The following IPO11 variants were observed in gnomAD, a reference collection of about 807,000 sequenced individuals.
IPO11 encodes importin 11, also known as importin-11.
A neutral mutation model predicts 143.2 loss-of-function variants in IPO11; 66 were observed. The ratio of observed to expected loss-of-function variants is 0.46; its 90% CI spans 0.38 to 0.57. IPO11 has a LOEUF of 0.57. IPO11 is among the 20% of genes least tolerant of loss of function. The probability of loss-of-function intolerance (pLI) is 0.00; values close to 1 mark genes in which losing one functional copy is unlikely to be tolerated. For missense variants in IPO11, 1,026 were observed against 1,141.0 expected, an observed-to-expected ratio of 0.90 and a Z score of 1.45; for synonymous variants, 385 against 377.8, an observed-to-expected ratio of 1.02 and a Z score of -0.22.
rs149042617 is a variant in IPO11 at position 62,519,538 on chromosome 5, A to G, written c.1896+4037A>G. 2.1e-4 allele frequency among the ~76,000 whole-genome samples: 32 copies of G among 152,278 alleles called. No homozygotes were observed. The East Asian group carries it at 5.8e-3, about 28-fold the overall frequency. On this transcript the variant is annotated intron_variant, in intron 20 of 29. Transcript: ENST00000325324. ...GTCCTTCCTATTCCACTATCCTCCC[A>G]GTATACTTGATTGTATAAAGACGGT...
intron 27 of IPO11, chr5:62,580,926 GGAAAAAAACAGTGCTCTACCGAAT>G: frequency 6.4e-7 from 1 of 1,550,584 alleles, no homozygotes. Flanking sequence ...CCTTGAACTT[GGAAAAAAACAGTGCTCTACCGAAT>G]GATGCTGCTT....
intron 8 of IPO11, among the ~76,000 whole-genome samples, chr5:62,475,535 T>C (rs1016458813): frequency 1.6e-4 from 24 of 152,136 alleles, no homozygotes; most frequent in Non-Finnish European, 3.1e-4. Flanking sequence ...TATTTTGTGT[T>C]CATTCCTCTT....
intron 24 of IPO11, among the ~76,000 whole-genome samples, chr5:62,546,842 C>G (rs559441705): frequency 1.1e-4 from 16 of 152,184 alleles, no homozygotes; most frequent in African/African-American, 1.9e-4. Flanking sequence ...AGCATTGTCT[C>G]TAGTTTTCTT....
At chr5:62,607,884 T>C (rs1487592465) in intron 29 of IPO11, among the ~76,000 whole-genome samples, 1 of 151,642 alleles carries the variant, frequency 6.6e-6, no homozygotes, top group East Asian at 1.9e-4. Context: ...ACCTGCTATC[T>C]CAGCTCACTG....
chr5:62,432,763 GC>G (rs1343767159), intron 1 of IPO11, among the ~76,000 whole-genome samples: 2 of 152,104 alleles, frequency 1.3e-5, no homozygotes, highest in Non-Finnish European at 2.9e-5. Flanking sequence ...TGGAAGTTAG[GC>G]CCAGTCTTGA....
rs962821070 is a variant in IPO11, at chr5:62,532,328, GT to G, written c.2089+1551del. On this transcript the variant is annotated intron_variant, in intron 22 of 29. Coordinates refer to ENST00000325324, the MANE Select transcript of IPO11 (RefSeq NM_016338.5). ...TTTAGGTAAGTGCTCTAGTGTAGTGGTTTTTTTTGTTGGTGGTGGTTCGTTT... is the reference window on the plus strand; with the variant it reads ...TTTAGGTAAGTGCTCTAGTGTAGTGGTTTTTTTGTTGGTGGTGGTTCGTTT... Among the ~76,000 whole-genome samples, 7 of 151,908 alleles carry G rather than the reference GT, an allele frequency of 4.6e-5. No homozygotes were observed. The South Asian group carries it at 1.5e-3, about 32-fold the overall frequency.
At chr5:62,614,072 G>A (rs956882775) in intron 29 of IPO11, among the ~76,000 whole-genome samples, 1 of 152,210 alleles carries the variant, frequency 6.6e-6, no homozygotes, top group South Asian at 2.1e-4. Flanking sequence ...TGTGCATTGT[G>A]TGTGAACATC....
chr5:62,555,427 C>G (rs1234076830), intron 26 of IPO11, among the ~76,000 whole-genome samples: 1 of 151,920 alleles, frequency 6.6e-6, no homozygotes, highest in Non-Finnish European at 1.5e-5. Flanking sequence ...ATCTTTTCAC[C>G]TTAGCCTCCC....
chr5:62,589,565 C>G (rs1049037126), intron 27 of IPO11, among the ~76,000 whole-genome samples: 1 of 152,220 alleles, frequency 6.6e-6, no homozygotes, highest in Admixed American at 6.5e-5. Context: ...CTACCCCTTT[C>G]TCTTTATTCC....
intron 22 of IPO11, among the ~76,000 whole-genome samples, chr5:62,535,762 AGAACACAGGGGCTAATC>A (rs1214203451): frequency 1.3e-5 from 2 of 152,160 alleles, no homozygotes; most frequent in Middle Eastern, 3.2e-3. Context: ...ATGATAGATA[AGAACACAGGGGCTAATC>A]TTTTGCCAGA....
intron 1 of IPO11, among the ~76,000 whole-genome samples, chr5:62,422,100 C>CT (rs1743534633): frequency 1.3e-5 from 2 of 151,992 alleles, no homozygotes; most frequent in South Asian, 4.2e-4. Context: ...CTTTTCCTTC[C>CT]TATTTTTTTT....
intron 1 of IPO11, among the ~76,000 whole-genome samples, chr5:62,432,147 C>T (rs1042241983): frequency 3.3e-5 from 5 of 152,244 alleles, no homozygotes; most frequent in African/African-American, 7.2e-5. Context: ...TTTACCACAC[C>T]GTACTTTGAC....
At chr5:62,441,311 G>T (rs917040065) in intron 2 of IPO11, among the ~76,000 whole-genome samples, 1 of 150,912 alleles carries the variant, frequency 6.6e-6, no homozygotes, top group Non-Finnish European at 1.5e-5. Context: ...TGATTCTCCT[G>T]CCTCAGCCTC....
intron 3 of IPO11, among the ~76,000 whole-genome samples, chr5:62,444,118 C>T (rs1311430636): frequency 4.3e-5 from 6 of 140,796 alleles, no homozygotes; most frequent in South Asian, 4.5e-4. Context: ...TTTTTTGAGA[C>T]GGAGTCTCGC....
intron 2 of IPO11, among the ~76,000 whole-genome samples, chr5:62,440,858 G>C (rs905641915): frequency 6.6e-6 from 1 of 151,842 alleles, no homozygotes; most frequent in Non-Finnish European, 1.5e-5. Context: ...AGCTATTCGG[G>C]AGGTTGAGGA....
intron 9 of IPO11, among the ~76,000 whole-genome samples, chr5:62,480,905 CATTTTTT>C (rs1746173928): frequency 9.2e-6 from 1 of 109,066 alleles, no homozygotes; most frequent in African/African-American, 3.9e-5. Flanking sequence ...CTTCCTCTTT[CATTTTTT>C]TTTTTTTTTT....
rs57057274 is a variant in IPO11, at chr5:62,452,723, GGTGTGTGT to G, written c.516+820_516+827del. On this transcript the variant is annotated intron_variant, in intron 5 of 29. Transcript: ENST00000325324. ...CAGGGTTTTGTTCTGTTTTTGGTGG[GGTGTGTGT>G]GTGTGTGTGTGTGTGTGTGTGTGTG... Among the ~76,000 whole-genome samples, 420 of 135,274 alleles carry G rather than the reference GGTGTGTGT, an allele frequency of 3.1e-3. 3 individuals are homozygous for G. The highest frequency in any genetic ancestry group is 9.6e-3 in the South Asian group (40 of 4,186). 88.7% of individuals were successfully genotyped at this position (135,274 alleles called of 152,430 possible). A position where few individuals can be genotyped will look rare whatever the true frequency, so the allele number is the denominator to read the frequency against.
intron 18 of IPO11, among the ~76,000 whole-genome samples, chr5:62,505,980 C>T (rs1012357145): frequency 6.6e-6 from 1 of 152,058 alleles, no homozygotes; most frequent in Non-Finnish European, 1.5e-5. Context: ...CAATATTCCT[C>T]TAAACATTAT....
rs1348757558 is a variant in IPO11 at position 62,467,275 on chromosome 5, C to G, written c.649+12C>G. The G allele has an allele frequency of 1.9e-6, 3 of 1,603,462 alleles. No individual in the cohort carries two copies. The highest frequency in any genetic ancestry group is 2.6e-6 in the Non-Finnish European group (3 of 1,176,088). On this transcript the variant is annotated intron_variant, in intron 6 of 29. Coordinates refer to ENST00000325324, the MANE Select transcript of IPO11 (RefSeq NM_016338.5). ...GCTATCATTGAAAGGTACTATTAAG[C>G]TTGATATGTTCATTTTTGAAATGAG...
Sources: allele counts gnomAD v4.1 joint callset (sites outside exome capture counted in the v4.1 genomes callset), GRCh38; gene constraint gnomAD v4.1.1; transcripts MANE v1.5; gene names NCBI Gene and HGNC (gene_info 2026-07-23, HGNC 2026-07-21).